ROPN1L: variants seen among roughly 807,000 people sequenced by gnomAD.
The protein encoded by ROPN1L is rhophilin associated tail protein 1 like.
A neutral mutation model predicts 22.7 loss-of-function variants in ROPN1L; 23 were observed. That is an observed-to-expected ratio of 1.01 (90% CI 0.73 to 1.43). ROPN1L has a LOEUF of 1.43. Among genes scored for constraint, ROPN1L ranks in the 40% most tolerant of loss-of-function variants. The pLI, the probability that ROPN1L is intolerant of heterozygous loss-of-function variation, is 0.00. For synonymous variants in ROPN1L, 116 were observed against 117.8 expected (o/e 0.98, Z 0.10); for missense variants, 271 against 291.5 (o/e 0.93, Z 0.51).
the ROPN1L span, among the ~76,000 whole-genome samples, chr5:10,478,582 A>G: frequency 6.6e-6 from 1 of 152,140 alleles, no homozygotes; most frequent in African/African-American, 2.4e-5. Context: ...CTCCCTCTTC[A>G]CATGGTCTTC....
At chr5:10,470,608 G>A (rs755961877) in intron 4 of ROPN1L, among the ~76,000 whole-genome samples, 1 of 152,258 alleles carries the variant, frequency 6.6e-6, no homozygotes, top group Non-Finnish European at 1.5e-5. Context: ...CTTTCCCCGA[G>A]GTTGGAGCAG....
At chr5:10,480,971 A>G in the ROPN1L span, among the ~76,000 whole-genome samples, 3 of 152,160 alleles carry the variant, frequency 2.0e-5, no homozygotes, top group Admixed American at 2.0e-4. Context: ...CTCTGCTTCC[A>G]GATCGTCTGT....
rs1336919821 is a variant in ROPN1L at position 10,442,809 on chromosome 5, G to A, written c.131+511G>A. ...GGTCATCATCCCTAGAGTGCTCAGG[G>A]TAAACTGTCCAGCAAATGAAGCTTC... is the stretch of plus-strand genomic sequence containing the variant. On this transcript the variant is annotated intron_variant, in intron 1 of 4. Transcript: ENST00000274134. Among the ~76,000 whole-genome samples, 4 of 152,216 alleles carry A rather than the reference G, an allele frequency of 2.6e-5. No individual in the cohort carries two copies. In the East Asian group the frequency reaches 7.7e-4, roughly 29 times the overall value.
chr5:10,467,274 G>GAA (rs199945150), downstream of ROPN1L, among the ~76,000 whole-genome samples: 102 of 129,382 alleles, frequency 7.9e-4, no homozygotes, highest in Middle Eastern at 4.0e-3. Context: ...AATGTAAATA[G>GAA]AAAAAAAAAA....
intron 4 of ROPN1L, among the ~76,000 whole-genome samples, chr5:10,462,731 T>TA (rs1418312953): frequency 1.3e-5 from 2 of 151,922 alleles, no homozygotes; most frequent in African/African-American, 2.4e-5. Context: ...CCATCTCTAC[T>TA]AAAAAAATAA....
intron 4 of ROPN1L, chr5:10,461,608 G>A (rs1258000375): frequency 2.5e-6 from 1 of 397,462 alleles, no homozygotes; most frequent in East Asian, 5.1e-5. Context: ...GAGATAGCCT[G>A]AGATCCCACA....
chr5:10,474,690 A>G (rs910915962), downstream of ROPN1L, among the ~76,000 whole-genome samples: 1 of 152,250 alleles, frequency 6.6e-6, no homozygotes, highest in African/African-American at 2.4e-5. Flanking sequence ...CGCTCCACCC[A>G]TGGAGAAGGT....
At chr5:10,469,011 C>T (rs569958449), downstream of ROPN1L, among the ~76,000 whole-genome samples, 158 of 151,998 alleles carry the variant, frequency 1.0e-3, no homozygotes, top group Non-Finnish European at 1.8e-3. Flanking sequence ...AAAAATTAGC[C>T]GGGCGTGGTG....
At position 10,442,122 on chromosome 5, in the gene ROPN1L, C is replaced by T. The variant is rs373103334; in HGVS notation, c.-46C>T. 44 of 1,583,748 alleles carry T rather than the reference C, an allele frequency of 2.8e-5. No individual in the cohort carries two copies. The African/African-American group carries it at 5.4e-4, about 19-fold the overall frequency. The stretch of plus-strand genomic sequence containing the variant: ...GTAGCCGACAGCCGCCCTTCTTCCT[C>T]GCAGCGCGCCGCGATTCACCAGCCT... On this transcript the variant is annotated 5_prime_UTR_variant, in exon 1 of 5. Transcript: ENST00000274134.
At chr5:10,479,598 G>A in the ROPN1L span, among the ~76,000 whole-genome samples, 34 of 152,306 alleles carry the variant, frequency 2.2e-4, no homozygotes, top group Admixed American at 7.8e-4. Flanking sequence ...GCCAGGCTGG[G>A]ACTCGGCTGG....
chr5:10,453,071 G>A (rs1741304586), intron 3 of ROPN1L, among the ~76,000 whole-genome samples: 1 of 152,202 alleles, frequency 6.6e-6, no homozygotes, highest in Non-Finnish European at 1.5e-5. Flanking sequence ...TTTGCCAGCA[G>A]GACTCCAGAT....
chr5:10,459,307 C>T (rs187750452), intron 3 of ROPN1L, among the ~76,000 whole-genome samples: 227 of 151,386 alleles, frequency 1.5e-3, no homozygotes, highest in Non-Finnish European at 2.6e-3. Flanking sequence ...CCACCCTCCT[C>T]ACCGGGTTCC....
chr5:10,464,768 T>G, intron 4 of ROPN1L, 80 bp from the exon 5 acceptor site: 4 of 790,976 alleles, frequency 5.1e-6, no homozygotes, highest in Non-Finnish European at 5.9e-6. Context: ...ACCTTTTAAA[T>G]TATATCGCAT....
At chr5:10,443,636 A>AAC (rs1307027835) in intron 1 of ROPN1L, among the ~76,000 whole-genome samples, 1 of 152,150 alleles carries the variant, frequency 6.6e-6, no homozygotes, top group Non-Finnish European at 1.5e-5. Context: ...CTCAAAAAAA[A>AAC]AAAAAACACA....
chr5:10,457,243 G>A (rs530965388), intron 3 of ROPN1L, among the ~76,000 whole-genome samples: 3 of 152,202 alleles, frequency 2.0e-5, no homozygotes, highest in Admixed American at 2.0e-4. Context: ...GGCAGCATCA[G>A]GTGCAGCCGC....
At chr5:10,460,365 C>T (rs1734995939) in intron 3 of ROPN1L, among the ~76,000 whole-genome samples, 1 of 152,244 alleles carries the variant, frequency 6.6e-6, no homozygotes, top group East Asian at 1.9e-4. Context: ...TGCCCAGGCC[C>T]TGCAGTTCCA....
At chr5:10,442,735 C>G (rs1157037671) in intron 1 of ROPN1L, among the ~76,000 whole-genome samples, 2 of 152,120 alleles carry the variant, frequency 1.3e-5, no homozygotes, top group African/African-American at 4.8e-5. Context: ...CTATGTATAC[C>G]CAGAGCTGGT....
At chr5:10,470,537 G>C (rs987019463) in intron 4 of ROPN1L, among the ~76,000 whole-genome samples, 1 of 152,208 alleles carries the variant, frequency 6.6e-6, no homozygotes, top group Non-Finnish European at 1.5e-5. Flanking sequence ...AGCCCCCACA[G>C]GTGAAAGAAA....
intron 3 of ROPN1L, among the ~76,000 whole-genome samples, chr5:10,455,806 C>G (rs7719827): frequency 0.12 from 3,925 of 31,790 alleles, 82 homozygotes; most frequent in South Asian, 0.27. Flanking sequence ...AACCAGTGCT[C>G]GGTCAGAGGC....
Sources: gnomAD v4.1 joint callset for allele counts (sites outside exome capture counted in the v4.1 genomes callset) on GRCh38, gnomAD v4.1.1 for gene constraint, MANE v1.5 for transcripts, NCBI Gene and HGNC (gene_info 2026-07-23, HGNC 2026-07-21) for gene names.